Variants in TG observed in about 807,000 individuals in gnomAD.
The protein encoded by TG is thyroglobulin.
TG carries 270 observed loss-of-function variants against 324.7 expected under a neutral mutation model. The ratio of observed to expected loss-of-function variants is 0.83; its 90% CI spans 0.75 to 0.92. TG has a LOEUF of 0.92. Ranked by LOEUF, TG falls within the 40% of genes least tolerant of loss-of-function variation. The pLI, the probability that TG is intolerant of heterozygous loss-of-function variation, is 0.00. For missense variants in TG, 3,591 were observed against 3,456.4 expected, an observed-to-expected ratio of 1.04 and a Z score of -0.98; for synonymous variants, 1,401 against 1,327.0, an observed-to-expected ratio of 1.06 and a Z score of -1.21.
At chr8:132,917,291 G>T (rs1820475583) in intron 20 of TG, among the ~76,000 whole-genome samples, 1 of 152,042 alleles carries the variant, frequency 6.6e-6, no homozygotes, top group Non-Finnish European at 1.5e-5. Context: ...GGGCAGGTGT[G>T]CTGGGGTAGG....
In TG at chr8:133,042,142, G is replaced by A. The variant is rs530585451; in HGVS notation, c.7239+12119G>A. 2.6e-5 allele frequency among the ~76,000 whole-genome samples: 4 copies of A among 152,204 alleles called. No homozygotes were observed. The East Asian group carries it at 7.7e-4, about 29-fold the overall frequency. On this transcript the variant is annotated intron_variant, in intron 41 of 47. Transcript: ENST00000220616. ...GAAAAACTGAGCATCCCGAGATGAA[G>A]TAACTTACTCAGGGCCGTAGAAATG...
rs867916302 is a variant in TG at position 133,133,573 on chromosome 8, A to G, written c.8101A>G (p.Ser2701Gly). 4 of 1,614,124 alleles carry G rather than the reference A, an allele frequency of 2.5e-6. No individual in the cohort carries two copies. The African/African-American group carries it at 5.3e-5, about 22-fold the overall frequency. ...RAGGENYKEF[S>G]ELLPNRQGLK... ...TGGTGGAGAGAACTACAAGGAGTTC[A>G]GTGAGCTGCTCCCCAATCGACAGGG... Residue 2701 changes from serine to glycine, a missense_variant, in exon 47 of 48, where the codon AGT becomes GGT. Physicochemically the swap from Ser to Gly is moderately conservative, Grantham distance 56 (BLOSUM62 0). Coordinates refer to ENST00000220616, the MANE Select transcript of TG (RefSeq NM_003235.5).
Position 132,919,464 on chromosome 8 carries a change from C to T in TG, c.4467C>T (p.Ala1489=). 6.2e-7 allele frequency: 1 copy of T among 1,614,130 alleles called. No individual in the cohort carries two copies. Among genetic ancestry groups the T allele is most frequent in the Non-Finnish European group, 8.5e-7 (1 of 1,179,994 alleles). ...GFYQEQAGSL[A]CVPCPVGRTT... ...ACCAAGAACAGGCAGGGAGCTTGGC[C>T]TGTGTCCCATGTCCTGTGGGCAGAA... Residue 1489 remains alanine (A), a synonymous_variant, in exon 21 of 48, where the codon GCC becomes GCT. Transcript: ENST00000220616.
In TG at chr8:132,882,958, A is replaced by G; in HGVS notation, c.1034A>G (p.Glu345Gly). Residue 345 changes from glutamate to glycine, a missense_variant, in exon 8 of 48, where the codon GAA (glutamate) becomes GGA (glycine). Transcript: ENST00000220616. ...PCWCVDAQGK[E>G]MHGTRQQGEP... ...TGGTGTGTGGACGCCCAGGGGAAGG[A>G]AATGCATGGAACCCGGCAGCAAGGG... 1 of 1,614,124 alleles carries G rather than the reference A, an allele frequency of 6.2e-7. No individual in the cohort carries two copies. Among genetic ancestry groups the G allele is most frequent in the Admixed American group, 1.7e-5 (1 of 60,022 alleles).
chr8:133,105,571 A>G (rs1849731567), intron 43 of TG, among the ~76,000 whole-genome samples: 1 of 152,188 alleles, frequency 6.6e-6, no homozygotes, highest in South Asian at 2.1e-4. Flanking sequence ...AATTGTGCCT[A>G]GGTTGAGTTT....
In TG at chr8:132,893,928, T is replaced by A. The variant is rs1186736969; in HGVS notation, c.3000T>A (p.Ser1000=). Residue 1000 remains serine (S), a splice_region_variant and synonymous_variant, in exon 11 of 48, where the codon TCT becomes TCA. Coordinates refer to ENST00000220616, the MANE Select transcript of TG (RefSeq NM_003235.5). The part of the protein sequence containing the change: ...SDYAIRLAAQ[S]TLSFYQRRRF... ...ACGCCATTCGCCTGGCGGCTCAGTC[T>A]AGTGAGTGTGGTGCCCTTCAGCTTT... 6.2e-7 allele frequency: 1 copy of A among 1,614,024 alleles called. No individual in the cohort carries two copies. The highest frequency in any genetic ancestry group is 1.3e-5 in the African/African-American group (1 of 75,010).
intron 41 of TG, among the ~76,000 whole-genome samples, chr8:133,081,177 G>C (rs182309661): frequency 6.6e-6 from 1 of 152,374 alleles, no homozygotes; most frequent in East Asian, 1.9e-4. Flanking sequence ...CCAGATAGAG[G>C]TGCTTTTCTT....
At chr8:132,939,621 C>T (rs1824127859) in intron 25 of TG, among the ~76,000 whole-genome samples, 2 of 151,534 alleles carry the variant, frequency 1.3e-5, no homozygotes, top group Admixed American at 1.3e-4. Flanking sequence ...AGCTAAGTGG[C>T]AGGCTCATTG....
intron 23 of TG, among the ~76,000 whole-genome samples, chr8:132,930,649 C>T (rs1047522263): frequency 6.7e-6 from 1 of 150,196 alleles, no homozygotes; most frequent in African/African-American, 2.5e-5. Context: ...CGCTCCATTG[C>T]ACTCCAGCCT....
intron 41 of TG, among the ~76,000 whole-genome samples, chr8:133,036,441 T>C (rs1837141168): frequency 6.6e-6 from 1 of 152,224 alleles, no homozygotes. Context: ...ACAAGTAACG[T>C]GCAGAAAATC....
intron 19 of TG, among the ~76,000 whole-genome samples, chr8:132,912,121 G>A (rs1298560130): frequency 6.6e-6 from 1 of 152,194 alleles, no homozygotes; most frequent in Non-Finnish European, 1.5e-5. Context: ...AGGACTGGCT[G>A]GAGTTTGCCC....
At chr8:133,113,790 G>A in intron 44 of TG, 187 bp downstream of exon 44, 1 of 678,386 alleles carries the variant, frequency 1.5e-6, no homozygotes, top group Non-Finnish European at 2.4e-6. Context: ...GGACATGTAG[G>A]GTGGACCCTG....
At chr8:132,957,084 T>C (rs945759517) in intron 27 of TG, among the ~76,000 whole-genome samples, 1 of 152,068 alleles carries the variant, frequency 6.6e-6, no homozygotes, top group African/African-American at 2.4e-5. Context: ...TACCCAGTAT[T>C]CTCTATGTAT....
At chr8:133,082,433 T>C (rs1294516833) in intron 41 of TG, among the ~76,000 whole-genome samples, 1 of 152,212 alleles carries the variant, frequency 6.6e-6, no homozygotes, top group Non-Finnish European at 1.5e-5. Context: ...TTGCAAACTT[T>C]CTTAAGGCCT....
intron 8 of TG, among the ~76,000 whole-genome samples, chr8:132,884,408 A>G (rs971966389): frequency 6.6e-6 from 1 of 152,210 alleles, no homozygotes; most frequent in Non-Finnish European, 1.5e-5. Flanking sequence ...AACTTGGGGA[A>G]GCTGGGTAGA....
intron 39 of TG, among the ~76,000 whole-genome samples, chr8:133,020,020 GA>G (rs1196798024): frequency 4.6e-5 from 7 of 152,140 alleles, no homozygotes; most frequent in African/African-American, 1.7e-4. Flanking sequence ...ACTCTAGGAG[GA>G]TAGATAGATT....
chr8:133,118,517 G>A (rs1004195950), intron 45 of TG, among the ~76,000 whole-genome samples: 8 of 151,992 alleles, frequency 5.3e-5, no homozygotes, highest in Non-Finnish European at 1.2e-4. Flanking sequence ...TAGAGATGGG[G>A]TTTCACCATG....
Position 133,012,847 on chromosome 8 carries a change from T to C in TG, c.6398-753T>C, listed in dbSNP as rs190984792. On this transcript the variant is annotated intron_variant, in intron 36 of 47. Transcript: ENST00000220616. ...CTTAGGCTGTCAACAACCTGATCAA[T>C]AAAATGAAGCAGCACTTTTTCAGAA... 1.8e-3 allele frequency among the ~76,000 whole-genome samples: 278 copies of C among 152,320 alleles called. 3 individuals are homozygous for C. Among genetic ancestry groups the C allele is most frequent in the Non-Finnish European group, 3.1e-3 (212 of 68,038 alleles).
chr8:132,961,106 G>A (rs755976172), intron 28 of TG, 33 bp downstream of exon 28: 13 of 1,606,566 alleles, frequency 8.1e-6, no homozygotes, highest in Non-Finnish European at 1.1e-5. Flanking sequence ...GGGTTAGCAG[G>A]ACGCTGATTA....
Sources: allele counts gnomAD v4.1 joint callset (sites outside exome capture counted in the v4.1 genomes callset), GRCh38; gene constraint gnomAD v4.1.1; transcripts MANE v1.5; gene names NCBI Gene and HGNC (gene_info 2026-07-23, HGNC 2026-07-21).